KAT6B: variants seen among roughly 807,000 people sequenced by gnomAD.
KAT6B encodes the protein lysine acetyltransferase 6B, also known as histone acetyltransferase KAT6B.
In KAT6B, 10 loss-of-function variants were observed where a neutral mutation model predicts 187.5. The ratio of observed to expected loss-of-function variants is 0.05; its 90% CI spans 0.03 to 0.09. The LOEUF is 0.09. Ranked by LOEUF, KAT6B falls within the 10% of genes least tolerant of loss-of-function variation. The pLI, the probability that KAT6B is intolerant of heterozygous loss-of-function variation, is 1.00. For missense variants in KAT6B, 1,952 were observed against 2,558.9 expected (o/e 0.76, Z 5.12); for synonymous variants, 861 against 926.8 (o/e 0.93, Z 1.29).
chr10:74,966,685 CA>C (rs1286749478), intron 4 of KAT6B, among the ~76,000 whole-genome samples: 2 of 152,082 alleles, frequency 1.3e-5, no homozygotes, highest in African/African-American at 4.8e-5. Flanking sequence ...AAACAAACTC[CA>C]GAAAGACAAA....
At chr10:74,935,562 C>T (rs1179546686) in intron 3 of KAT6B, among the ~76,000 whole-genome samples, 1 of 152,160 alleles carries the variant, frequency 6.6e-6, no homozygotes, top group Non-Finnish European at 1.5e-5. Flanking sequence ...CTCAGCCTCC[C>T]AAACTGCTGG....
At chr10:75,002,554 T>G (rs918634533) in intron 13 of KAT6B, among the ~76,000 whole-genome samples, 1 of 151,946 alleles carries the variant, frequency 6.6e-6, no homozygotes, top group Non-Finnish European at 1.5e-5. Flanking sequence ...TAGACAGACC[T>G]AAGTCGAAGT....
At chr10:74,900,483 T>C (rs1846299800) in intron 3 of KAT6B, among the ~76,000 whole-genome samples, 1 of 152,232 alleles carries the variant, frequency 6.6e-6, no homozygotes, top group Non-Finnish European at 1.5e-5. Context: ...GGAAAATGGC[T>C]GCCCATACCT....
intron 1 of KAT6B, among the ~76,000 whole-genome samples, chr10:74,831,069 G>A (rs1359111997): frequency 5.3e-5 from 8 of 151,844 alleles, no homozygotes; most frequent in Non-Finnish European, 8.8e-5. Context: ...GATTACAGGC[G>A]TGAGCCTCTG....
intron 13 of KAT6B, among the ~76,000 whole-genome samples, chr10:75,015,762 T>A (rs1378476526): frequency 6.6e-6 from 1 of 152,240 alleles, no homozygotes; most frequent in Non-Finnish European, 1.5e-5. Flanking sequence ...TGTGTAATCC[T>A]CAAAGATTAT....
At chr10:74,886,561 C>A (rs371162160) in intron 3 of KAT6B, among the ~76,000 whole-genome samples, 2 of 152,170 alleles carry the variant, frequency 1.3e-5, no homozygotes, top group African/African-American at 4.8e-5. Flanking sequence ...TCCGCTCCCC[C>A]GTGCCCCACA....
At chr10:74,988,934 A>G in intron 12 of KAT6B, 85 bp from the exon 13 acceptor site, 3 of 913,374 alleles carry the variant, frequency 3.3e-6, no homozygotes, top group Non-Finnish European at 5.6e-6. Context: ...TTTAGTGGAC[A>G]GTTTTACAAG....
At chr10:74,960,980 G>A (rs1264098957) in intron 4 of KAT6B, among the ~76,000 whole-genome samples, 1 of 152,180 alleles carries the variant, frequency 6.6e-6, no homozygotes. Flanking sequence ...GTTGTGTAAT[G>A]ATTCTTATTC....
Position 75,021,834 on chromosome 10 carries a change from GTGTAACTGCC to G in KAT6B, c.3022-46_3022-37del, listed in dbSNP as rs1845429255. ...CCATTGATCCTCAGAGGCTCTGGCT[GTGTAACTGCC>G]CTCTCACTGGCCACCATTTTTACCC... is the stretch of plus-strand genomic sequence containing the variant. On this transcript the variant is annotated intron_variant, in intron 15 of 17. Coordinates refer to ENST00000287239, the MANE Select transcript of KAT6B (RefSeq NM_012330.4). 1.9e-6 allele frequency: 3 copies of G among 1,606,968 alleles called. No individual in the cohort carries two copies. The African/African-American group carries it at 4.0e-5, about 21-fold the overall frequency.
chr10:75,009,887 G>A (rs1003838623), intron 13 of KAT6B, among the ~76,000 whole-genome samples: 1 of 152,180 alleles, frequency 6.6e-6, no homozygotes, highest in Non-Finnish European at 1.5e-5. Flanking sequence ...TGTAATCCCA[G>A]CTACTCGGGA....
In KAT6B at chr10:75,028,947, G is replaced by A; in HGVS notation, c.4123G>A (p.Gly1375Arg). The change falls in exon 18 of 18, where the codon GGA (glycine) becomes AGA (arginine). Residue 1375 changes from glycine (G) to arginine (R), a missense_variant. Physicochemically the swap from Gly to Arg is moderately radical, Grantham distance 125 (BLOSUM62 -2). Around this residue, in one of 9 missense-constraint regions of KAT6B, gnomAD observed 758 missense variants for 891.4 expected, o/e 0.85. Coordinates refer to ENST00000287239, the MANE Select transcript of KAT6B (RefSeq NM_012330.4). ...EEEEGEEEEG[G>R]GNVEKDPDGA... is the part of the protein sequence containing the mutation. ...AGAGGAAGGGGAAGAAGAAGAAGGA[G>A]GAGGAAATGTAGAAAAAGATCCAGA... 1 of 1,613,074 alleles carries A rather than the reference G, an allele frequency of 6.2e-7. No individual in the cohort carries two copies. Among genetic ancestry groups the A allele is most frequent in the Non-Finnish European group, 8.5e-7 (1 of 1,179,510 alleles).
rs560258049 is a variant in KAT6B at position 74,848,767 on chromosome 10, T to G, written c.621+5289T>G. Among the ~76,000 whole-genome samples the G allele has an allele frequency of 9.1e-4, 138 of 152,310 alleles. No individual in the cohort carries two copies. The South Asian group carries it at 0.01, about 11-fold the overall frequency. ...TCATAGTATGCTAATTGTCGACCTA[T>G]GATGATTCTTCCTTTGGCTGCTGAA... On this transcript the variant is annotated intron_variant, in intron 3 of 17. Coordinates refer to ENST00000287239, the MANE Select transcript of KAT6B (RefSeq NM_012330.4).
At chr10:74,981,203 G>T (rs886319220) in intron 10 of KAT6B, among the ~76,000 whole-genome samples, 3 of 152,058 alleles carry the variant, frequency 2.0e-5, no homozygotes, top group Non-Finnish European at 4.4e-5. Context: ...CAAATTATTT[G>T]TTCACAAAGT....
rs7911839 is a variant in KAT6B at position 74,876,089 on chromosome 10, G to C, written c.621+32611G>C. Among the ~76,000 whole-genome samples the C allele has an allele frequency of 4.5e-3, 679 of 152,222 alleles. 2 individuals are homozygous for C. Among genetic ancestry groups the C allele is most frequent in the Non-Finnish European group, 7.0e-3 (474 of 68,014 alleles). Reference sequence around the variant, plus strand: ...TTTAATTAGTGGCTCTATACACAGAGTTTTATCATCATGAAATTTATAAAC... The same window carrying C: ...TTTAATTAGTGGCTCTATACACAGACTTTTATCATCATGAAATTTATAAAC... On this transcript the variant is annotated intron_variant, in intron 3 of 17. Coordinates refer to ENST00000287239, the MANE Select transcript of KAT6B (RefSeq NM_012330.4).
chr10:74,925,834 AAAT>A (rs1465941503), intron 3 of KAT6B, among the ~76,000 whole-genome samples: 3 of 152,196 alleles, frequency 2.0e-5, no homozygotes, highest in Non-Finnish European at 4.4e-5. Context: ...TCATTCCTTG[AAAT>A]AATGTATTGA....
intron 3 of KAT6B, among the ~76,000 whole-genome samples, chr10:74,899,881 G>A (rs1039632637): frequency 3.3e-5 from 5 of 151,964 alleles, no homozygotes; most frequent in Non-Finnish European, 7.4e-5. Flanking sequence ...AAACTTTATT[G>A]TTTTTAACAT....
chr10:74,836,801 G>A (rs1841343021), intron 1 of KAT6B, among the ~76,000 whole-genome samples: 1 of 152,138 alleles, frequency 6.6e-6, no homozygotes, highest in Non-Finnish European at 1.5e-5. Context: ...TAGATTTGTG[G>A]ATGCTCACTC....
chr10:75,029,585 G>A lies in KAT6B; in HGVS notation c.4761G>A (p.Thr1587=), dbSNP rs372545959. The A allele has an allele frequency of 5.6e-6, 9 of 1,614,088 alleles. No individual in the cohort carries two copies. The highest frequency in any genetic ancestry group is 3.3e-5 in the Admixed American group (2 of 60,004). Residue 1587 remains threonine, a synonymous_variant, in exon 18 of 18, where the codon ACG becomes ACA. Transcript: ENST00000287239. This position sits in a 1 kb window ranked among gnomAD's most constrained non-coding sequence, Gnocchi z 6.2. The part of the protein sequence containing the change: ...RADQSPQIAT[T]LDDCQQSDHS... ...ACCAAAGTCCACAGATTGCCACCAC[G>A]CTCGACGATTGCCAACAGTCGGACC...
At chr10:74,937,702 T>C (rs745767201) in intron 3 of KAT6B, among the ~76,000 whole-genome samples, 5 of 152,256 alleles carry the variant, frequency 3.3e-5, no homozygotes, top group Non-Finnish European at 7.3e-5. Context: ...ATGGAGATAA[T>C]GTTACCTCTC....
Sources: gnomAD v4.1 joint callset for allele counts (sites outside exome capture counted in the v4.1 genomes callset) on GRCh38, gnomAD v4.1.1 for gene constraint, gnomAD v4.1.1 regional missense constraint, Gnocchi (gnomAD v3.1) non-coding constraint, MANE v1.5 for transcripts, NCBI Gene and HGNC (gene_info 2026-07-23, HGNC 2026-07-21) for gene names.